Variants in KLF12 observed in about 807,000 individuals in gnomAD.
KLF12 encodes Krueppel-like factor 12.
Under a neutral mutation model 37.8 loss-of-function variants are expected in KLF12, and 9 were observed. The ratio of observed to expected loss-of-function variants is 0.24; its 90% CI spans 0.14 to 0.42. The LOEUF (loss-of-function observed/expected upper bound fraction) is 0.42. Ranked by LOEUF, KLF12 falls within the 10% of genes least tolerant of loss-of-function variation. The probability of loss-of-function intolerance (pLI) is 1.00; values close to 1 mark genes in which losing one functional copy is unlikely to be tolerated. For synonymous variants in KLF12, 208 were observed against 202.1 expected, an observed-to-expected ratio of 1.03 and a Z score of -0.25; for missense variants, 411 against 516.0, an observed-to-expected ratio of 0.80 and a Z score of 1.97.
chr13:74,161,561 C>T, the KLF12 span, among the ~76,000 whole-genome samples: 6 of 152,234 alleles, frequency 3.9e-5, no homozygotes, highest in South Asian at 1.2e-3. Context: ...CTCAGAACCT[C>T]CAGAAAGAAT....
intron 1 of KLF12, among the ~76,000 whole-genome samples, chr13:74,069,745 T>G (rs1874118797): frequency 6.6e-6 from 1 of 151,990 alleles, no homozygotes. Context: ...AGAAGAAGAA[T>G]ATTAAGAAAG....
At chr13:74,288,583 C>A in the KLF12 span, among the ~76,000 whole-genome samples, 1 of 152,078 alleles carries the variant, frequency 6.6e-6, no homozygotes, top group South Asian at 2.1e-4. Context: ...CAAGGTAGGG[C>A]AGGAAACAGT....
the KLF12 span, among the ~76,000 whole-genome samples, chr13:74,245,293 T>TTATCTATCTATG: frequency 4.0e-5 from 6 of 148,976 alleles, no homozygotes; most frequent in African/African-American, 1.5e-4. Context: ...GGAGATAAGT[T>TTATCTATCTATG]TATCTATCTA....
At chr13:73,757,560 T>C (rs1594055635) in intron 6 of KLF12, among the ~76,000 whole-genome samples, 2 of 152,314 alleles carry the variant, frequency 1.3e-5, no homozygotes, top group Middle Eastern at 3.4e-3. Context: ...TGTCCATGTG[T>C]ATACGGAGAA....
intron 1 of KLF12, among the ~76,000 whole-genome samples, chr13:74,088,180 G>T (rs1875429669): frequency 6.6e-6 from 1 of 151,992 alleles, no homozygotes; most frequent in Non-Finnish European, 1.5e-5. Flanking sequence ...TATCAAACTT[G>T]CTCAGAAATT....
the KLF12 span, among the ~76,000 whole-genome samples, chr13:74,221,988 T>C: frequency 6.6e-6 from 1 of 152,206 alleles, no homozygotes; most frequent in Non-Finnish European, 1.5e-5. Flanking sequence ...GCTGGTTTCC[T>C]TCCCTTTACC....
chr13:73,759,338 A>T (rs1252593965), intron 6 of KLF12, among the ~76,000 whole-genome samples: 2 of 152,206 alleles, frequency 1.3e-5, no homozygotes, highest in African/African-American at 4.8e-5. Flanking sequence ...GTAAGTCAAG[A>T]AGCAAGGCAG....
At chr13:74,108,817 G>C (rs1020610055) in intron 1 of KLF12, among the ~76,000 whole-genome samples, 1 of 152,162 alleles carries the variant, frequency 6.6e-6, no homozygotes, top group Non-Finnish European at 1.5e-5. Context: ...AGTAGGCTAA[G>C]GAGGAGGGGG....
At chr13:74,097,400 T>C (rs1381404799) in intron 1 of KLF12, among the ~76,000 whole-genome samples, 1 of 152,158 alleles carries the variant, frequency 6.6e-6, no homozygotes, top group Non-Finnish European at 1.5e-5. Flanking sequence ...GACTTTCATA[T>C]CAACAATCAA....
chr13:74,013,746 T>C (rs1290143331), intron 1 of KLF12, among the ~76,000 whole-genome samples: 1 of 152,142 alleles, frequency 6.6e-6, no homozygotes, highest in Non-Finnish European at 1.5e-5. Context: ...TTTTGATAAT[T>C]TATATTAAAA....
chr13:74,166,784 T>C, the KLF12 span, among the ~76,000 whole-genome samples: 1 of 152,214 alleles, frequency 6.6e-6, no homozygotes, highest in African/African-American at 2.4e-5. Flanking sequence ...AGTAGTTCAT[T>C]GGTATTCTTC....
At chr13:74,245,278 G>T in the KLF12 span, among the ~76,000 whole-genome samples, 1 of 150,962 alleles carries the variant, frequency 6.6e-6, no homozygotes, top group Admixed American at 6.6e-5. Context: ...CAGGTTTGAA[G>T]AATGGGAGAT....
At position 74,133,851 on chromosome 13, in the gene KLF12, T is replaced by G. The variant is rs1405247737; in HGVS notation, c.-144A>C. ...CGCGCGCGCACACACACACACACAC[T>G]CGCACACACACGGCGTCACCCGCGC... is the stretch of plus-strand genomic sequence containing the variant. On this transcript the variant is annotated 5_prime_UTR_variant, in exon 1 of 8. Coordinates refer to ENST00000377669, the MANE Select transcript of KLF12 (RefSeq NM_007249.5). Among the ~76,000 whole-genome samples, 2 of 145,440 alleles carry G rather than the reference T, an allele frequency of 1.4e-5. No individual in the cohort carries two copies. Among genetic ancestry groups the G allele is most frequent in the Non-Finnish European group, 1.5e-5 (1 of 65,478 alleles).
the KLF12 span, among the ~76,000 whole-genome samples, chr13:74,220,537 A>G: frequency 6.6e-5 from 10 of 152,212 alleles, no homozygotes; most frequent in African/African-American, 2.4e-4. Flanking sequence ...TGTGGCAAAC[A>G]CTTGAAATCT....
At chr13:74,052,533 G>A (rs943478363) in intron 1 of KLF12, among the ~76,000 whole-genome samples, 1 of 152,048 alleles carries the variant, frequency 6.6e-6, no homozygotes, top group Non-Finnish European at 1.5e-5. Flanking sequence ...TTACTAGGCA[G>A]GGAGGCACAT....
rs576542781 is a variant in KLF12, at chr13:73,917,110, G to A, written c.123+26871C>T. The stretch of plus-strand genomic sequence containing the variant: ...GCATCACCAAAAATTCACTATCCAA[G>A]GTTCAGCATGGATTATATACCAAGT... On this transcript the variant is annotated intron_variant, in intron 3 of 7. Coordinates refer to ENST00000377669, the MANE Select transcript of KLF12 (RefSeq NM_007249.5). Among the ~76,000 whole-genome samples, 37 of 152,264 alleles carry A rather than the reference G, an allele frequency of 2.4e-4. No individual in the cohort carries two copies. The South Asian group carries it at 6.8e-3, about 28-fold the overall frequency.
At chr13:73,697,235 A>G (rs1302390774) in intron 7 of KLF12, among the ~76,000 whole-genome samples, 1 of 152,222 alleles carries the variant, frequency 6.6e-6, no homozygotes, top group Non-Finnish European at 1.5e-5. Flanking sequence ...CAACTGTTAA[A>G]TCAATGCTGT....
At chr13:74,256,154 C>CAAAAAAAAAAA in the KLF12 span, among the ~76,000 whole-genome samples, 1 of 75,620 alleles carries the variant, frequency 1.3e-5, no homozygotes. Flanking sequence ...GACTCTGTCT[C>CAAAAAAAAAAA]AAAAAAAAAA....
chr13:73,767,397 C>T (rs1879983665), intron 5 of KLF12, among the ~76,000 whole-genome samples: 1 of 152,194 alleles, frequency 6.6e-6, no homozygotes, highest in Admixed American at 6.5e-5. Context: ...CCCTTAGCCT[C>T]ACACAGGCTC....
Sources: gnomAD v4.1 joint callset for allele counts (sites outside exome capture counted in the v4.1 genomes callset) on GRCh38, gnomAD v4.1.1 for gene constraint, MANE v1.5 for transcripts, NCBI Gene and HGNC (gene_info 2026-07-23, HGNC 2026-07-21) for gene names.